ACTR2: variants seen among roughly 807,000 people sequenced by gnomAD.
ACTR2 encodes actin-related protein 2.
A neutral mutation model predicts 50.2 loss-of-function variants in ACTR2; 5 were observed. The observed-to-expected ratio is 0.10, with a 90% CI of 0.05 to 0.21. The LOEUF (loss-of-function observed/expected upper bound fraction) is 0.21. ACTR2 is among the 10% of genes least tolerant of loss of function. ACTR2 has a pLI of 1.00. For synonymous variants in ACTR2, 140 were observed against 162.9 expected (o/e 0.86, Z 1.07); for missense variants, 180 against 480.6 (o/e 0.37, Z 5.85).
rs144850424 is a variant in ACTR2, at chr2:65,247,123, T to C, written c.375+384T>C. Among the ~76,000 whole-genome samples the C allele has an allele frequency of 2.5e-4, 38 of 152,154 alleles. 1 individual carries two copies. The highest frequency in any genetic ancestry group is 9.8e-4 in the Admixed American group (15 of 15,242). On this transcript the variant is annotated intron_variant, in intron 3 of 8. Coordinates refer to ENST00000260641, the MANE Select transcript of ACTR2 (RefSeq NM_005722.4). ...GAAGGTGAGTGATCCAGTTGACCCA[T>C]GAGCAATGCAGGGGTTAGGGGCACC...
chr2:65,250,116 G>A (rs1423352280), intron 3 of ACTR2, among the ~76,000 whole-genome samples: 3 of 152,168 alleles, frequency 2.0e-5, no homozygotes, highest in African/African-American at 4.8e-5. Context: ...TGTAATCCCA[G>A]CACTTTGGGA....
intron 3 of ACTR2, among the ~76,000 whole-genome samples, chr2:65,249,319 T>C (rs1316835620): frequency 2.0e-5 from 3 of 152,222 alleles, no homozygotes; most frequent in African/African-American, 7.2e-5. Context: ...ATTAAGTGTT[T>C]TGAAAATCTA....
chr2:65,261,715 A>G (rs866398952), intron 7 of ACTR2, among the ~76,000 whole-genome samples: 1 of 152,220 alleles, frequency 6.6e-6, no homozygotes, highest in Admixed American at 6.5e-5. Flanking sequence ...ACTCTCTTAC[A>G]TAGTCATGCT....
intron 2 of ACTR2, among the ~76,000 whole-genome samples, chr2:65,245,256 ATGCC>A (rs1671914492): frequency 6.6e-6 from 1 of 151,850 alleles, no homozygotes; most frequent in South Asian, 2.1e-4. Context: ...GTGGTGGCTC[ATGCC>A]TGTAATCCCA....
At chr2:65,233,731 CCT>C (rs1671682003) in intron 1 of ACTR2, among the ~76,000 whole-genome samples, 1 of 151,972 alleles carries the variant, frequency 6.6e-6, no homozygotes, top group Non-Finnish European at 1.5e-5. Context: ...TCTGCCCCAG[CCT>C]CTCAAGTAGC....
chr2:65,232,479 G>C (rs1031793167), intron 1 of ACTR2, among the ~76,000 whole-genome samples: 1 of 152,140 alleles, frequency 6.6e-6, no homozygotes, highest in Non-Finnish European at 1.5e-5. Flanking sequence ...ACCAAATTTG[G>C]TTTCATCTTG....
intron 4 of ACTR2, among the ~76,000 whole-genome samples, chr2:65,251,809 A>T (rs1672057222): frequency 6.6e-6 from 1 of 152,176 alleles, no homozygotes; most frequent in Non-Finnish European, 1.5e-5. Flanking sequence ...TTGGGAGTGC[A>T]TTTCTAACTT....
Position 65,235,425 on chromosome 2 carries a change from A to G in ACTR2, c.49-4427A>G, listed in dbSNP as rs959248045. Among the ~76,000 whole-genome samples, 15 of 152,262 alleles carry G rather than the reference A, an allele frequency of 9.9e-5. No homozygotes were observed. The East Asian group carries it at 2.7e-3, about 27-fold the overall frequency. On this transcript the variant is annotated intron_variant, in intron 1 of 8. Coordinates refer to ENST00000260641, the MANE Select transcript of ACTR2 (RefSeq NM_005722.4). Reference sequence around the variant, plus strand: ...ATAGCTGTGAGCAAGTGGGTTATCTATTGCATATGCTATCATATCATGCTA... The same window carrying G: ...ATAGCTGTGAGCAAGTGGGTTATCTGTTGCATATGCTATCATATCATGCTA...
chr2:65,266,930 G>A (rs2104025605), intron 8 of ACTR2, among the ~76,000 whole-genome samples: 1 of 152,320 alleles, frequency 6.6e-6, no homozygotes, highest in South Asian at 2.1e-4. Flanking sequence ...CAAGGAGGGA[G>A]TGGTAGATGG....
intron 3 of ACTR2, among the ~76,000 whole-genome samples, chr2:65,247,582 C>T (rs532795280): frequency 5.0e-4 from 75 of 151,494 alleles, no homozygotes; most frequent in African/African-American, 1.5e-3. Flanking sequence ...AGCGAGACTC[C>T]GTCTCAAAAA....
chr2:65,259,000 C>T (rs1672208909), intron 6 of ACTR2, among the ~76,000 whole-genome samples: 1 of 151,642 alleles, frequency 6.6e-6, no homozygotes, highest in African/African-American at 2.4e-5. Flanking sequence ...GACAGGGTTT[C>T]CTCACTCTGT....
chr2:65,236,918 A>G (rs1671751181), intron 1 of ACTR2, among the ~76,000 whole-genome samples: 1 of 152,074 alleles, frequency 6.6e-6, no homozygotes, highest in African/African-American at 2.4e-5. Context: ...TTCAGGTACT[A>G]TTTTTCATCC....
intron 6 of ACTR2, among the ~76,000 whole-genome samples, chr2:65,258,099 C>G (rs1452022570): frequency 6.6e-6 from 1 of 152,172 alleles, no homozygotes; most frequent in Non-Finnish European, 1.5e-5. Context: ...TCCAGATTTG[C>G]TCTGGAGATT....
chr2:65,263,104 A>C (rs1226727955), intron 7 of ACTR2, among the ~76,000 whole-genome samples: 1 of 151,540 alleles, frequency 6.6e-6, no homozygotes. Context: ...GCAGTGGTGC[A>C]GTCTCGGCTC....
chr2:65,233,803 G>T (rs1671683312), intron 1 of ACTR2, among the ~76,000 whole-genome samples: 1 of 152,040 alleles, frequency 6.6e-6, no homozygotes, highest in East Asian at 1.9e-4. Context: ...TAGAGATGGG[G>T]TTTCACCATA....
At chr2:65,259,346 T>G (rs565597187) in intron 6 of ACTR2, among the ~76,000 whole-genome samples, 1 of 151,948 alleles carries the variant, frequency 6.6e-6, no homozygotes, top group Admixed American at 6.6e-5. Context: ...CCCTTGAATC[T>G]GGGAGATTGA....
In ACTR2 at chr2:65,253,022, A is replaced by AT. The variant is rs569425884; in HGVS notation, c.449-701dup. Among the ~76,000 whole-genome samples the AT allele has an allele frequency of 2.6e-5, 4 of 152,302 alleles. No individual in the cohort carries two copies. In the South Asian group the frequency reaches 8.3e-4, roughly 32 times the overall value. On this transcript the variant is annotated intron_variant, in intron 4 of 8. Coordinates refer to ENST00000260641, the MANE Select transcript of ACTR2 (RefSeq NM_005722.4). ...GTGATGCTTTGGCTAGCCATGTTTA[A>AT]TTTTTCTTAGATTTCTAGCTGTCTA...
chr2:65,228,209 A>T (rs1417964413), intron 1 of ACTR2: 1 of 388,162 alleles, frequency 2.6e-6, no homozygotes, highest in African/African-American at 2.1e-5. Context: ...GGCACTGGAC[A>T]TGGAGCCTAC....
At chr2:65,230,403 A>ATTT (rs11299935) in intron 1 of ACTR2, among the ~76,000 whole-genome samples, 12 of 78,174 alleles carry the variant, frequency 1.5e-4, no homozygotes, top group South Asian at 4.2e-4. Context: ...ACCGAAGCTG[A>ATTT]TTTTTTTTTT....
Sources: gnomAD v4.1 joint callset for allele counts (sites outside exome capture counted in the v4.1 genomes callset) on GRCh38, gnomAD v4.1.1 for gene constraint, MANE v1.5 for transcripts, NCBI Gene and HGNC (gene_info 2026-07-23, HGNC 2026-07-21) for gene names.